PLCXD3: variants seen among roughly 807,000 people sequenced by gnomAD.
The protein encoded by PLCXD3 is PI-PLC X domain-containing protein 3.
In PLCXD3, 19 loss-of-function variants were observed where a neutral mutation model predicts 25.5. The observed-to-expected ratio is 0.75, with a 90% confidence interval of 0.52 to 1.09. The LOEUF is 1.09. Among genes scored for constraint, PLCXD3 ranks in the 50% least tolerant of loss-of-function variants. The pLI is 0.00. For synonymous variants in PLCXD3, 174 were observed against 137.6 expected (o/e 1.26, Z -1.85); for missense variants, 411 against 388.1 (o/e 1.06, Z -0.50).
chr5:41,402,620 TTCTA>T (rs1746220297), intron 1 of PLCXD3, among the ~76,000 whole-genome samples: 1 of 151,906 alleles, frequency 6.6e-6, no homozygotes, highest in Non-Finnish European at 1.5e-5. Context: ...TCTATTAATT[TTCTA>T]TCTGTTTTAT....
chr5:41,370,847 G>C (rs1279995200), intron 2 of PLCXD3, among the ~76,000 whole-genome samples: 5 of 152,144 alleles, frequency 3.3e-5, no homozygotes, highest in Non-Finnish European at 7.4e-5. Flanking sequence ...TGAATGAATT[G>C]TGAAACCTCG....
intron 2 of PLCXD3, among the ~76,000 whole-genome samples, chr5:41,327,223 G>A (rs905945599): frequency 2.6e-5 from 4 of 152,114 alleles, no homozygotes; most frequent in African/African-American, 9.7e-5. Flanking sequence ...GAGGGGACAT[G>A]GGGACTAGAG....
chr5:41,334,336 C>T (rs1253890909), intron 2 of PLCXD3, among the ~76,000 whole-genome samples: 2 of 152,062 alleles, frequency 1.3e-5, no homozygotes, highest in African/African-American at 4.8e-5. Flanking sequence ...ATCTTTGATA[C>T]TATTACTCAA....
At chr5:41,397,192 A>G (rs1277871851) in intron 1 of PLCXD3, among the ~76,000 whole-genome samples, 1 of 152,094 alleles carries the variant, frequency 6.6e-6, no homozygotes, top group East Asian at 1.9e-4. Context: ...AGCCCCTCCT[A>G]TCACAGGCCT....
At chr5:41,425,555 A>G (rs1377952061) in intron 1 of PLCXD3, among the ~76,000 whole-genome samples, 1 of 152,216 alleles carries the variant, frequency 6.6e-6, no homozygotes, top group Non-Finnish European at 1.5e-5. Context: ...GGACAAATGT[A>G]TAATGACATT....
chr5:41,491,041 G>A (rs1344928655), intron 1 of PLCXD3, among the ~76,000 whole-genome samples: 2 of 151,952 alleles, frequency 1.3e-5, no homozygotes, highest in African/African-American at 2.4e-5. Context: ...TGTCAATTTT[G>A]GATCTTTCCT....
At chr5:41,488,093 G>T (rs1429246275) in intron 1 of PLCXD3, among the ~76,000 whole-genome samples, 6 of 120,542 alleles carry the variant, frequency 5.0e-5, no homozygotes, top group African/African-American at 1.9e-4. Context: ...CGCCACAACA[G>T]TCCCCAGAGT....
chr5:41,503,304 C>A (rs1049892606), intron 1 of PLCXD3, among the ~76,000 whole-genome samples: 23 of 152,158 alleles, frequency 1.5e-4, no homozygotes, highest in African/African-American at 5.6e-4. Flanking sequence ...ACCAAATTTT[C>A]ATTTATAATG....
chr5:41,490,917 T>C, intron 1 of PLCXD3, among the ~76,000 whole-genome samples: 1 of 152,210 alleles, frequency 6.6e-6, no homozygotes, highest in Non-Finnish European at 1.5e-5. Flanking sequence ...TGAAGGGTTT[T>C]TTGTGTCTCT....
chr5:41,401,184 G>C (rs1352785539), intron 1 of PLCXD3, among the ~76,000 whole-genome samples: 1 of 151,794 alleles, frequency 6.6e-6, no homozygotes, highest in Non-Finnish European at 1.5e-5. Flanking sequence ...ACTTAATGTT[G>C]TCTTTTAAAC....
chr5:41,420,362 A>C (rs1580364205), intron 1 of PLCXD3, among the ~76,000 whole-genome samples: 1 of 152,226 alleles, frequency 6.6e-6, no homozygotes, highest in African/African-American at 2.4e-5. Flanking sequence ...AGTCACAGTT[A>C]TTATAGAAAT....
At chr5:41,444,448 G>C (rs1239646545) in intron 1 of PLCXD3, among the ~76,000 whole-genome samples, 1 of 152,032 alleles carries the variant, frequency 6.6e-6, no homozygotes, top group Non-Finnish European at 1.5e-5. Flanking sequence ...TCTTCTACCT[G>C]GGCAGTAACA....
intron 1 of PLCXD3, among the ~76,000 whole-genome samples, chr5:41,390,172 T>C (rs1048131741): frequency 8.5e-5 from 13 of 152,216 alleles, no homozygotes; most frequent in African/African-American, 2.7e-4. Flanking sequence ...TATATTGTTG[T>C]ATGTATCAGT....
At chr5:41,446,945 G>A (rs1580377862) in intron 1 of PLCXD3, among the ~76,000 whole-genome samples, 1 of 152,178 alleles carries the variant, frequency 6.6e-6, no homozygotes, top group African/African-American at 2.4e-5. Context: ...CCTAGCTGGG[G>A]CTACCTATTG....
At chr5:41,449,870 T>G (rs78872736) in intron 1 of PLCXD3, among the ~76,000 whole-genome samples, 2 of 152,144 alleles carry the variant, frequency 1.3e-5, no homozygotes, top group African/African-American at 4.8e-5. Flanking sequence ...AGCAGTACAC[T>G]AATAGTGTCT....
At chr5:41,388,178 G>A (rs1186636938) in intron 1 of PLCXD3, among the ~76,000 whole-genome samples, 1 of 151,226 alleles carries the variant, frequency 6.6e-6, no homozygotes, top group Non-Finnish European at 1.5e-5. Flanking sequence ...AATTTAATTA[G>A]GGAAGTTAGG....
intron 1 of PLCXD3, among the ~76,000 whole-genome samples, chr5:41,453,974 TTCA>T (rs1241726035): frequency 1.3e-5 from 2 of 151,962 alleles, no homozygotes; most frequent in East Asian, 3.9e-4. Context: ...AGAATTTATA[TTCA>T]TCAACAAGAG....
chr5:41,406,116 A>C (rs1440318632), intron 1 of PLCXD3, among the ~76,000 whole-genome samples: 1 of 151,980 alleles, frequency 6.6e-6, no homozygotes, highest in Non-Finnish European at 1.5e-5. Flanking sequence ...GGTTTTTGAG[A>C]CATGGATCTT....
chr5:41,470,353 A>C (rs1221317401), intron 1 of PLCXD3, among the ~76,000 whole-genome samples: 2 of 151,596 alleles, frequency 1.3e-5, no homozygotes, highest in Non-Finnish European at 1.5e-5. Context: ...GATGAAAAGA[A>C]AGACAATCAT....
Sources: allele counts gnomAD v4.1 joint callset (sites outside exome capture counted in the v4.1 genomes callset), GRCh38; gene constraint gnomAD v4.1.1; transcripts MANE v1.5; gene names NCBI Gene and HGNC (gene_info 2026-07-23, HGNC 2026-07-21).